The following STS variants were observed in gnomAD, a reference collection of about 807,000 sequenced individuals.
STS encodes the protein steroid sulfatase.
Under a neutral mutation model 26.8 loss-of-function variants are expected in STS, and 7 were observed. The ratio of observed to expected loss-of-function variants is 0.26; its 90% CI spans 0.15 to 0.49. The LOEUF is 0.49. STS is among the 20% of genes least tolerant of loss of function. STS has a pLI of 0.98. For missense variants in STS, 434 were observed against 465.6 expected (o/e 0.93, Z 0.63); for synonymous variants, 199 against 189.4 (o/e 1.05, Z -0.42).
In STS at chrX:7,260,016, T is replaced by C. The variant is rs2270109; in HGVS notation, c.806+244T>C. On this transcript the variant is annotated intron_variant, in intron 6 of 10. Transcript: ENST00000674429. ...TCAGCCTCCTGAGTAGCTGGAACTA[T>C]AGGCGCCCGCCACCACACCTGGCTA... Among the ~76,000 whole-genome samples the C allele has an allele frequency of 0.35, 39,100 of 110,278 alleles. 5,119 individuals are homozygous for C. The highest frequency in any genetic ancestry group is 0.4 in the East Asian group (1,368 of 3,429).
At chrX:7,232,356 G>A (rs1187311013) in intron 2 of STS, among the ~76,000 whole-genome samples, 1 of 111,934 alleles carries the variant, frequency 8.9e-6, no homozygotes, top group Non-Finnish European at 1.9e-5. Context: ...TTAGCAAAAG[G>A]CACTTATAGG....
At chrX:7,316,854 C>T (rs1474265381) in intron 8 of STS, among the ~76,000 whole-genome samples, 1 of 111,774 alleles carries the variant, frequency 8.9e-6, no homozygotes, top group East Asian at 2.8e-4. Context: ...CACACTTCAA[C>T]GGGGTTTGCC....
chrX:7,150,040 G>A (rs1220313802), intron 1 of STS, among the ~76,000 whole-genome samples: 2 of 111,393 alleles, frequency 1.8e-5, no homozygotes, highest in African/African-American at 6.5e-5. Context: ...ACATAGCTGT[G>A]GTACCTACAG....
intron 1 of STS, among the ~76,000 whole-genome samples, chrX:7,183,133 T>C (rs758882258): frequency 5.4e-5 from 6 of 111,509 alleles, no homozygotes; most frequent in Non-Finnish European, 9.4e-5. Context: ...TTTTGCTTGA[T>C]TTTTTTTCAC....
At chrX:7,212,582 G>C (rs979708059) in intron 2 of STS, among the ~76,000 whole-genome samples, 1 of 112,171 alleles carries the variant, frequency 8.9e-6, no homozygotes, top group Non-Finnish European at 1.9e-5. Flanking sequence ...CTTTGACTTT[G>C]TGCCTTCTTG....
chrX:7,197,204 A>C (rs1247904529), intron 2 of STS, among the ~76,000 whole-genome samples: 1 of 111,721 alleles, frequency 9.0e-6, no homozygotes, highest in African/African-American at 3.3e-5. Context: ...CTCTTGTTGC[A>C]TTTGCAGTTT....
At chrX:7,152,576 T>C (rs982407753) in intron 1 of STS, among the ~76,000 whole-genome samples, 3 of 112,371 alleles carry the variant, frequency 2.7e-5, no homozygotes, top group Non-Finnish European at 5.6e-5. Context: ...GCCTTGGCCT[T>C]CCAAAGTGCT....
intron 1 of STS, among the ~76,000 whole-genome samples, chrX:7,172,762 G>T (rs761527418): frequency 1.8e-5 from 2 of 111,440 alleles, no homozygotes; most frequent in Admixed American, 1.9e-4. Context: ...AAACCACCAG[G>T]CCTGGTCCAG....
intron 1 of STS, among the ~76,000 whole-genome samples, chrX:7,162,998 A>G (rs1240603889): frequency 9.7e-6 from 1 of 102,899 alleles, no homozygotes; most frequent in Non-Finnish European, 2.0e-5. Flanking sequence ...CAGACGTTGC[A>G]GTGAGCCGAG....
At chrX:7,162,402 C>T (rs1165666227) in intron 1 of STS, among the ~76,000 whole-genome samples, 1 of 111,473 alleles carries the variant, frequency 9.0e-6, no homozygotes, top group African/African-American at 3.3e-5. Context: ...AGACTTGGCA[C>T]AGGGCTAATT....
chrX:7,299,015 T>TAA lies in STS; in HGVS notation c.944-6030_944-6029insAA, dbSNP rs1340651410. 6.5e-4 allele frequency among the ~76,000 whole-genome samples: 48 copies of TAA among 73,511 alleles called. 1 individual carries two copies. The highest frequency in any genetic ancestry group is 2.5e-3 in the African/African-American group (46 of 18,547). 63.8% of individuals were successfully genotyped at this position (73,511 alleles called of 115,157 possible). A position where few individuals can be genotyped will look rare whatever the true frequency, so the allele number is the denominator to read the frequency against. ...TATAAAATAATTATATATTTATATA[T>TAA]ATATAAATATATTTTATTTATATAT... On this transcript the variant is annotated intron_variant, in intron 7 of 10. Coordinates refer to ENST00000674429, the MANE Select transcript of STS (RefSeq NM_001320752.2).
At chrX:7,214,804 T>C (rs1921173588) in intron 2 of STS, among the ~76,000 whole-genome samples, 1 of 107,387 alleles carries the variant, frequency 9.3e-6, no homozygotes, top group African/African-American at 3.4e-5. Context: ...ATGTTTGATT[T>C]TCCATTTCTG....
At chrX:7,228,226 G>A (rs1209547425) in intron 2 of STS, among the ~76,000 whole-genome samples, 1 of 111,673 alleles carries the variant, frequency 9.0e-6, no homozygotes, top group Non-Finnish European at 1.9e-5. Flanking sequence ...TTTCAATGCT[G>A]TTGGGTATAT....
chrX:7,219,058 A>G (rs1213554282), intron 2 of STS, among the ~76,000 whole-genome samples: 1 of 112,257 alleles, frequency 8.9e-6, no homozygotes, highest in African/African-American at 3.2e-5. Flanking sequence ...CCACCTCAGC[A>G]CAGGTGCAGC....
At chrX:7,334,568 C>T (rs1308706955) in intron 10 of STS, among the ~76,000 whole-genome samples, 1 of 111,566 alleles carries the variant, frequency 9.0e-6, no homozygotes, top group Non-Finnish European at 1.9e-5. Flanking sequence ...CTCCTCAATG[C>T]CCCCCAGGCC....
chrX:7,279,040 A>C (rs1924676919), intron 7 of STS, among the ~76,000 whole-genome samples: 1 of 110,537 alleles, frequency 9.0e-6, no homozygotes, highest in Non-Finnish European at 1.9e-5. Context: ...ATGGGGGCTC[A>C]CACCTGTAAT....
chrX:7,270,344 C>T (rs1043782714), intron 6 of STS, among the ~76,000 whole-genome samples: 2 of 111,791 alleles, frequency 1.8e-5, no homozygotes, highest in Admixed American at 1.9e-4. Context: ...GGGTTTGAAG[C>T]AAATGGTCTT....
chrX:7,350,139 G>A lies in STS; in HGVS notation c.1615G>A (p.Val539Met). ...ADRHTQTLPE[V>M]PDQFSWNNFL... ...CAGACACACCCAGACCCTGCCAGAG[G>A]TGCCCGATCAGTTTTCATGGAACAA... The change falls in exon 11 of 11, where the codon GTG (valine) becomes ATG (methionine). Residue 539 changes from valine (V) to methionine (M), a missense_variant. This residue lies in a region of STS where 205 missense variants were observed against 177.3 expected (regional missense o/e 1.16). Coordinates refer to ENST00000674429, the MANE Select transcript of STS (RefSeq NM_001320752.2). 1 of 1,211,876 alleles carries A rather than the reference G, an allele frequency of 8.3e-7. No individual in the cohort carries two copies. The highest frequency in any genetic ancestry group is 1.7e-5 in the African/African-American group (1 of 57,926).
intron 1 of STS, among the ~76,000 whole-genome samples, chrX:7,154,620 G>A (rs778718045): frequency 2.7e-5 from 3 of 112,276 alleles, no homozygotes; most frequent in Admixed American, 9.4e-5. Flanking sequence ...AAAACGATCA[G>A]GGTGGAGAGT....
Sources: allele counts gnomAD v4.1 joint callset (sites outside exome capture counted in the v4.1 genomes callset), GRCh38; gene constraint gnomAD v4.1.1; regional missense constraint gnomAD v4.1.1; transcripts MANE v1.5; gene names NCBI Gene and HGNC (gene_info 2026-07-23, HGNC 2026-07-21).